SLC9B2: variants seen among roughly 807,000 people sequenced by gnomAD.
The protein encoded by SLC9B2 is sodium/hydrogen exchanger 9B2.
SLC9B2 carries 39 observed loss-of-function variants against 52.2 expected under a neutral mutation model. The observed-to-expected ratio is 0.75, with a 90% CI of 0.58 to 0.98. The LOEUF (loss-of-function observed/expected upper bound fraction) is 0.98, where lower values mean the gene tolerates loss of function less well. SLC9B2 is among the 50% of genes least tolerant of loss of function. SLC9B2 has a pLI of 0.00. For missense variants in SLC9B2, 626 were observed against 637.5 expected (o/e 0.98, Z 0.19); for synonymous variants, 214 against 227.0 (o/e 0.94, Z 0.51).
downstream of SLC9B2, among the ~76,000 whole-genome samples, chr4:103,021,990 T>C (rs1348250027): frequency 6.6e-6 from 1 of 152,240 alleles, no homozygotes; most frequent in Non-Finnish European, 1.5e-5. Flanking sequence ...AAAAACACTT[T>C]TGAATTATTC....
intron 1 of SLC9B2, among the ~76,000 whole-genome samples, chr4:103,074,714 A>G (rs930583818): frequency 6.6e-6 from 1 of 152,264 alleles, no homozygotes; most frequent in Non-Finnish European, 1.5e-5. Flanking sequence ...TGAATGAAGA[A>G]AAGTTGGACT....
chr4:103,076,884 C>T (rs1747236305), upstream of SLC9B2: 1 of 152,276 alleles, frequency 6.6e-6, no homozygotes, highest in Admixed American at 6.5e-5. Flanking sequence ...CAGTCCTCCA[C>T]CTTTTAGCTG....
chr4:103,063,501 AATG>A (rs1745847230), intron 3 of SLC9B2, among the ~76,000 whole-genome samples: 1 of 152,240 alleles, frequency 6.6e-6, no homozygotes, highest in Non-Finnish European at 1.5e-5. Flanking sequence ...TATTTACTTC[AATG>A]ATGCTATTAT....
intron 10 of SLC9B2, among the ~76,000 whole-genome samples, 188 bp downstream of exon 10, chr4:103,031,512 A>C (rs569520729): frequency 6.6e-6 from 1 of 152,292 alleles, no homozygotes; most frequent in Admixed American, 6.5e-5. Context: ...ATGAACAAGC[A>C]TTATTTTCTA....
At chr4:103,020,087 A>T, downstream of SLC9B2, 1 of 256,260 alleles carries the variant, frequency 3.9e-6, no homozygotes, top group Non-Finnish European at 6.9e-6. Flanking sequence ...CTTGCTAGCT[A>T]TGGGACCTAG....
intron 1 of SLC9B2, among the ~76,000 whole-genome samples, chr4:103,069,330 C>CCTTTA (rs1358863433): frequency 6.6e-6 from 1 of 152,130 alleles, no homozygotes; most frequent in Non-Finnish European, 1.5e-5. Context: ...CGGCACTTGG[C>CCTTTA]CTTTACCTTC....
intron 11 of SLC9B2, among the ~76,000 whole-genome samples, 165 bp from the exon 12 acceptor site, chr4:103,026,756 G>A (rs920604098): frequency 2.0e-5 from 3 of 152,118 alleles, no homozygotes; most frequent in Non-Finnish European, 4.4e-5. Flanking sequence ...GTTAATGGGT[G>A]CAGCACACCA....
At chr4:103,049,917 G>A (rs889035254) in intron 5 of SLC9B2, among the ~76,000 whole-genome samples, 2 of 151,938 alleles carry the variant, frequency 1.3e-5, no homozygotes, top group Non-Finnish European at 2.9e-5. Context: ...GAGGCCTGAG[G>A]CAGGAGAATC....
chr4:103,053,186 T>A (rs1376376942), intron 4 of SLC9B2, among the ~76,000 whole-genome samples: 1 of 152,172 alleles, frequency 6.6e-6, no homozygotes, highest in Non-Finnish European at 1.5e-5. Context: ...GTTTTCAAAT[T>A]CATTTCAGGA....
At chr4:103,074,727 T>A (rs182366072) in intron 1 of SLC9B2, among the ~76,000 whole-genome samples, 1 of 152,232 alleles carries the variant, frequency 6.6e-6, no homozygotes, top group African/African-American at 2.4e-5. Flanking sequence ...GTTGGACTTA[T>A]AAACGTTTGG....
intron 1 of SLC9B2, among the ~76,000 whole-genome samples, chr4:103,073,756 C>A (rs1320066134): frequency 6.6e-6 from 1 of 152,200 alleles, no homozygotes; most frequent in Admixed American, 6.5e-5. Flanking sequence ...TCTCTCTCCT[C>A]ACCAAAGTGA....
chr4:103,026,278 A>C lies in SLC9B2; in HGVS notation c.*92T>G. On this transcript the variant is annotated 3_prime_UTR_variant, in exon 12 of 12. Transcript: ENST00000394785. The stretch of plus-strand genomic sequence containing the variant: ...ACAGCTACACTTTTGGTTCTATTAC[A>C]TTTTAAGCTTAAACATTACATATTT... 8.2e-7 allele frequency: 1 copy of C among 1,220,090 alleles called. No individual in the cohort carries two copies. The highest frequency in any genetic ancestry group is 1.1e-6 in the Non-Finnish European group (1 of 872,780). 75.6% of individuals were successfully genotyped at this position (1,220,090 alleles called of 1,614,324 possible).
intron 2 of SLC9B2, 86 bp downstream of exon 2, chr4:103,067,375 G>A: frequency 1.6e-6 from 2 of 1,244,822 alleles, no homozygotes; most frequent in Non-Finnish European, 2.3e-6. Flanking sequence ...CACCTGCCTT[G>A]GATTGTGTAA....
Position 103,028,756 on chromosome 4 carries a change from G to A in SLC9B2, c.1383C>T (p.Ala461=). 2 of 1,607,464 alleles carry A rather than the reference G, an allele frequency of 1.2e-6. No homozygotes were observed. Among genetic ancestry groups the A allele is most frequent in the Non-Finnish European group, 1.7e-6 (2 of 1,177,774 alleles). The change falls in exon 11 of 12, where the codon GCC becomes GCT. Residue 461 remains alanine, a synonymous_variant. Transcript: ENST00000394785. The part of the protein sequence containing the change: ...IFISFAWLPK[A]TVQAAIGSVA... ...ATCCTATCCATCATACCTGAACTGT[G>A]GCCTTTGGAAGCCATGCAAAAGAAA...
chr4:103,047,342 T>G (rs893896444), intron 6 of SLC9B2, 116 bp from the exon 7 acceptor site: 63 of 941,130 alleles, frequency 6.7e-5, no homozygotes, highest in Non-Finnish European at 8.6e-5. Flanking sequence ...CTTTCTTTTT[T>G]TTTTTCTAAA....
intron 1 of SLC9B2, among the ~76,000 whole-genome samples, chr4:103,068,726 AT>A (rs573229734): frequency 1.3e-3 from 191 of 152,322 alleles, no homozygotes; most frequent in Non-Finnish European, 2.3e-3. Flanking sequence ...GAGTATCTTG[AT>A]AGAGGTACAC....
At chr4:103,071,793 G>C (rs1746660682) in intron 1 of SLC9B2, among the ~76,000 whole-genome samples, 1 of 152,092 alleles carries the variant, frequency 6.6e-6, no homozygotes, top group African/African-American at 2.4e-5. Context: ...TTAGAGATGT[G>C]AGCCACCCTG....
At chr4:103,042,188 TATCTC>T (rs1743703460) in intron 9 of SLC9B2, 1 of 152,150 alleles carries the variant, frequency 6.6e-6, no homozygotes, top group Non-Finnish European at 1.5e-5. Flanking sequence ...TATGATTATA[TATCTC>T]ATCTCAAAAT....
chr4:103,045,132 A>T (rs772139744), intron 7 of SLC9B2, 136 bp from the exon 8 acceptor site: 111 of 624,390 alleles, frequency 1.8e-4, no homozygotes, highest in Non-Finnish European at 2.7e-4. Context: ...CATATTCTTA[A>T]ATATGTAAGT....
Sources: gnomAD v4.1 joint callset for allele counts (sites outside exome capture counted in the v4.1 genomes callset) on GRCh38, gnomAD v4.1.1 for gene constraint, MANE v1.5 for transcripts, NCBI Gene and HGNC (gene_info 2026-07-23, HGNC 2026-07-21) for gene names.